The following MTUS1 variants were observed in gnomAD, a reference collection of about 807,000 sequenced individuals.
MTUS1 encodes microtubule-associated tumor suppressor 1.
Under a neutral mutation model 120.8 loss-of-function variants are expected in MTUS1, and 109 were observed. The observed-to-expected ratio is 0.90, with a 90% CI of 0.77 to 1.06. The LOEUF (loss-of-function observed/expected upper bound fraction) is 1.06, where lower values mean the gene tolerates loss of function less well. Ranked by LOEUF, MTUS1 falls within the 50% of genes least tolerant of loss-of-function variation. MTUS1 has a pLI of 0.00. For missense variants in MTUS1, 2,210 were observed against 1,486.3 expected, an observed-to-expected ratio of 1.49 and a Z score of -8.01; for synonymous variants, 737 against 550.5, an observed-to-expected ratio of 1.34 and a Z score of -4.74.
chr8:17,726,007 C>T (rs1040438869), intron 3 of MTUS1, among the ~76,000 whole-genome samples: 1 of 152,122 alleles, frequency 6.6e-6, no homozygotes. Flanking sequence ...ATGCCTCTAC[C>T]CCTTCATACA....
chr8:17,686,872 C>A (rs1815921946), intron 6 of MTUS1, among the ~76,000 whole-genome samples: 1 of 151,854 alleles, frequency 6.6e-6, no homozygotes, highest in South Asian at 2.1e-4. Flanking sequence ...TACTTTTTAA[C>A]CATGGGGTAA....
At chr8:17,715,598 G>A (rs2937891) in intron 5 of MTUS1, among the ~76,000 whole-genome samples, 169 bp downstream of exon 5, 29,574 of 152,072 alleles carry the variant, frequency 0.19, 3,017 homozygotes, top group East Asian at 0.27. Context: ...CCTACCAACT[G>A]TCAGAAAAAC....
At chr8:17,664,446 C>T (rs933084533) in intron 8 of MTUS1, among the ~76,000 whole-genome samples, 2 of 151,722 alleles carry the variant, frequency 1.3e-5, no homozygotes, top group African/African-American at 2.4e-5. Flanking sequence ...TGGGTGGCGA[C>T]TCTCCCCCAC....
intron 6 of MTUS1, among the ~76,000 whole-genome samples, chr8:17,710,472 G>C (rs965439461): frequency 3.3e-5 from 5 of 152,084 alleles, no homozygotes; most frequent in Non-Finnish European, 7.4e-5. Context: ...AATTTTACCA[G>C]AGATCAACAG....
chr8:17,664,542 C>G (rs1270710509), intron 8 of MTUS1, among the ~76,000 whole-genome samples: 1 of 151,512 alleles, frequency 6.6e-6, no homozygotes, highest in Non-Finnish European at 1.5e-5. Context: ...GCCCCTCACT[C>G]TCTCTTGGCC....
chr8:17,724,610 GAAAT>G (rs2046089571), intron 3 of MTUS1, among the ~76,000 whole-genome samples: 2 of 152,010 alleles, frequency 1.3e-5, no homozygotes. Context: ...ACTTATCAGT[GAAAT>G]AAATATACAG....
At chr8:17,798,861 T>A (rs939237426) in intron 1 of MTUS1, among the ~76,000 whole-genome samples, 1 of 152,204 alleles carries the variant, frequency 6.6e-6, no homozygotes, top group Non-Finnish European at 1.5e-5. Context: ...TATGAATTAA[T>A]GGAAAAATAC....
intron 3 of MTUS1, among the ~76,000 whole-genome samples, chr8:17,728,407 A>T (rs758213209): frequency 6.6e-6 from 1 of 152,182 alleles, no homozygotes; most frequent in African/African-American, 2.4e-5. Flanking sequence ...GCCTGGCCAA[A>T]ACAGATCATC....
intron 7 of MTUS1, among the ~76,000 whole-genome samples, chr8:17,681,269 T>C (rs895497078): frequency 6.6e-6 from 1 of 152,142 alleles, no homozygotes; most frequent in Non-Finnish European, 1.5e-5. Flanking sequence ...GTGTACTGAA[T>C]CTATGTAAAT....
intron 1 of MTUS1, among the ~76,000 whole-genome samples, chr8:17,791,562 T>C (rs1303770489): frequency 6.6e-6 from 1 of 152,206 alleles, no homozygotes; most frequent in Non-Finnish European, 1.5e-5. Context: ...TTACCAAAGA[T>C]AAAAGTATCT....
chr8:17,726,469 G>T (rs2046237417), intron 3 of MTUS1, among the ~76,000 whole-genome samples: 3 of 152,000 alleles, frequency 2.0e-5, no homozygotes. Context: ...AACTGGCAAA[G>T]GTCTAGCATG....
chr8:17,684,518 G>C lies in MTUS1; in HGVS notation c.2648C>G (p.Pro883Arg), dbSNP rs780542858. ...CTGTGGCTGGATACATAAGCTTCGAGGATTCTTTTGCCTGCTCTTTTCAAC... is the reference window on the plus strand; with the variant it reads ...CTGTGGCTGGATACATAAGCTTCGACGATTCTTTTGCCTGCTCTTTTCAAC... ...NAVEKSRQKNPRSLCIQPQTA... is the reference protein window; with the variant it reads ...NAVEKSRQKNRRSLCIQPQTA... The change falls in exon 7 of 15, where the codon CCT becomes CGT. Residue 883 changes from proline (P) to arginine (R), a missense_variant. By Grantham distance (103) the Pro-to-Arg change is moderately radical (BLOSUM62 -2). Coordinates refer to ENST00000693296, the MANE Select transcript of MTUS1 (RefSeq NM_001363059.2). 1.9e-6 allele frequency: 3 copies of C among 1,613,792 alleles called. No individual in the cohort carries two copies. Among genetic ancestry groups the C allele is most frequent in the Non-Finnish European group, 2.5e-6 (3 of 1,180,008 alleles).
At chr8:17,664,270 T>A (rs1810410107) in intron 8 of MTUS1, among the ~76,000 whole-genome samples, 1 of 152,182 alleles carries the variant, frequency 6.6e-6, no homozygotes, top group Non-Finnish European at 1.5e-5. Context: ...TGGAGGAGAT[T>A]TTATGTAAAT....
chr8:17,787,324 C>T (rs1390726548), intron 1 of MTUS1, among the ~76,000 whole-genome samples: 1 of 152,212 alleles, frequency 6.6e-6, no homozygotes, highest in Non-Finnish European at 1.5e-5. Flanking sequence ...AGACAGGTCA[C>T]ATGACAGTCA....
At chr8:17,699,949 C>T (rs183433280) in intron 6 of MTUS1, among the ~76,000 whole-genome samples, 225 of 152,084 alleles carry the variant, frequency 1.5e-3, no homozygotes, top group African/African-American at 5.3e-3. Context: ...AAATTGGTTC[C>T]AAAAAATTCT....
Position 17,743,767 on chromosome 8 carries a change from A to G in MTUS1, c.2124T>C (p.Gly708=), listed in dbSNP as rs148830956. ...AGGAGTCAGGCTTGGATATATTCCT[A>G]CCTGAGGTGGTCGTTGTTTTTGAAG... The part of the protein sequence containing the change: ...GSASKTTTTS[G]RNISKPDSCG... Residue 708 remains glycine (G), a synonymous_variant, in exon 3 of 15, where the codon GGT becomes GGC. Coordinates refer to ENST00000693296, the MANE Select transcript of MTUS1 (RefSeq NM_001363059.2). 551 of 1,614,012 alleles carry G rather than the reference A, an allele frequency of 3.4e-4. 4 individuals are homozygous for G. In the African/African-American group the frequency reaches 6.7e-3, roughly 20 times the overall value.
intron 1 of MTUS1, among the ~76,000 whole-genome samples, chr8:17,773,551 C>T (rs2050173389): frequency 6.6e-6 from 1 of 152,078 alleles, no homozygotes; most frequent in South Asian, 2.1e-4. Flanking sequence ...TCCAAGAACA[C>T]AAAACTGGTG....
At chr8:17,758,751 C>A (rs151092598) in intron 1 of MTUS1, among the ~76,000 whole-genome samples, 1 of 152,216 alleles carries the variant, frequency 6.6e-6, no homozygotes, top group Non-Finnish European at 1.5e-5. Flanking sequence ...ATCGTGGGAA[C>A]TGTCTTTGTA....
intron 6 of MTUS1, among the ~76,000 whole-genome samples, chr8:17,688,621 G>A (rs940119456): frequency 6.6e-6 from 1 of 152,206 alleles, no homozygotes; most frequent in African/African-American, 2.4e-5. Flanking sequence ...CAGGGACACT[G>A]ACACAGAAGT....
Sources: allele counts gnomAD v4.1 joint callset (sites outside exome capture counted in the v4.1 genomes callset), GRCh38; gene constraint gnomAD v4.1.1; transcripts MANE v1.5; gene names NCBI Gene and HGNC (gene_info 2026-07-23, HGNC 2026-07-21).